The following AGTPBP1 variants were observed in gnomAD, a reference collection of about 807,000 sequenced individuals.
AGTPBP1 encodes the protein cytosolic carboxypeptidase 1.
Under a neutral mutation model 143.9 loss-of-function variants are expected in AGTPBP1, and 70 were observed. The ratio of observed to expected loss-of-function variants is 0.49; its 90% CI spans 0.40 to 0.59. The LOEUF (loss-of-function observed/expected upper bound fraction) is 0.59. Among genes scored for constraint, AGTPBP1 ranks in the 20% least tolerant of loss-of-function variants. The probability of loss-of-function intolerance (pLI) is 0.00; values close to 1 mark genes in which losing one functional copy is unlikely to be tolerated. For missense variants in AGTPBP1, 1,229 were observed against 1,464.5 expected, an observed-to-expected ratio of 0.84 and a Z score of 2.62; for synonymous variants, 463 against 500.2, an observed-to-expected ratio of 0.93 and a Z score of 0.99.
intron 5 of AGTPBP1, among the ~76,000 whole-genome samples, chr9:85,677,832 C>A (rs983634452): frequency 6.6e-6 from 1 of 151,858 alleles, no homozygotes; most frequent in African/African-American, 2.4e-5. Context: ...GGTGAAACCC[C>A]GTCTCAACTA....
the AGTPBP1 span, chr9:85,773,910 C>T: frequency 3.2e-5 from 51 of 1,607,240 alleles, no homozygotes; most frequent in East Asian, 2.0e-4. Context: ...AGTTCTGGAA[C>T]GGGATAATAT....
At chr9:85,694,175 T>C (rs1836081207) in intron 2 of AGTPBP1, among the ~76,000 whole-genome samples, 1 of 152,224 alleles carries the variant, frequency 6.6e-6, no homozygotes, top group Non-Finnish European at 1.5e-5. Context: ...ATGTTCTCAC[T>C]TTTAACGGGC....
intron 2 of AGTPBP1, among the ~76,000 whole-genome samples, chr9:85,694,690 T>G (rs947246488): frequency 1.6e-4 from 25 of 152,134 alleles, no homozygotes; most frequent in African/African-American, 6.0e-4. Context: ...CCCAGCCCAC[T>G]TCTCTTCACT....
intron 14 of AGTPBP1, among the ~76,000 whole-genome samples, chr9:85,628,743 T>C (rs1349713466): frequency 2.6e-5 from 4 of 152,200 alleles, no homozygotes; most frequent in Admixed American, 2.6e-4. Context: ...AGATGGAGTC[T>C]CACTCTGTTG....
At chr9:85,653,250 G>C (rs1445313482) in intron 11 of AGTPBP1, among the ~76,000 whole-genome samples, 1 of 151,378 alleles carries the variant, frequency 6.6e-6, no homozygotes, top group African/African-American at 2.4e-5. Flanking sequence ...GGAGGAGGAA[G>C]GAATAATGGA....
At chr9:85,658,216 G>A (rs905729408) in intron 9 of AGTPBP1, among the ~76,000 whole-genome samples, 1 of 151,738 alleles carries the variant, frequency 6.6e-6, no homozygotes, top group Non-Finnish European at 1.5e-5. Flanking sequence ...AAATACTTCC[G>A]TAACTTTTTT....
chr9:85,566,529 CAAAAAA>C (rs72129899), intron 25 of AGTPBP1, among the ~76,000 whole-genome samples: 2 of 78,548 alleles, frequency 2.5e-5, no homozygotes, highest in African/African-American at 1.2e-4. Context: ...GACCATGTCT[CAAAAAA>C]AAAAAAAAAA....
intron 8 of AGTPBP1, among the ~76,000 whole-genome samples, chr9:85,669,014 T>TACACACACACAC (rs139321417): frequency 5.8e-5 from 7 of 120,554 alleles, no homozygotes; most frequent in Admixed American, 1.7e-4. Context: ...TGTGTATACA[T>TACACACACACAC]ACACACACAC....
At chr9:85,710,463 C>T (rs1199388166) in intron 2 of AGTPBP1, among the ~76,000 whole-genome samples, 1 of 151,964 alleles carries the variant, frequency 6.6e-6, no homozygotes, top group Non-Finnish European at 1.5e-5. Flanking sequence ...TTATTTCTCC[C>T]CCCTTTTCAG....
chr9:85,732,799 C>T (rs1280356640), intron 1 of AGTPBP1, among the ~76,000 whole-genome samples: 1 of 151,808 alleles, frequency 6.6e-6, no homozygotes, highest in African/African-American at 2.4e-5. Flanking sequence ...ATATTCCATG[C>T]AAATAGTAAC....
intron 17 of AGTPBP1, among the ~76,000 whole-genome samples, chr9:85,603,118 C>T (rs1829774071): frequency 6.6e-6 from 1 of 152,142 alleles, no homozygotes; most frequent in African/African-American, 2.4e-5. Flanking sequence ...AGTCCTGGTG[C>T]TATGCTGGGC....
At chr9:85,658,905 A>G (rs565496306) in intron 9 of AGTPBP1, among the ~76,000 whole-genome samples, 1 of 152,294 alleles carries the variant, frequency 6.6e-6, no homozygotes, top group Non-Finnish European at 1.5e-5. Context: ...TGTTTTGACC[A>G]AGAAAAGCTT....
chr9:85,779,083 C>T, the AGTPBP1 span, among the ~76,000 whole-genome samples: 2 of 151,902 alleles, frequency 1.3e-5, no homozygotes, highest in Non-Finnish European at 2.9e-5. Context: ...AACAAAAGAA[C>T]TCCATCCTTA....
At chr9:85,805,297 C>A in the AGTPBP1 span, 1 of 151,998 alleles carries the variant, frequency 6.6e-6, no homozygotes, top group African/African-American at 2.4e-5. Context: ...TCTCACGCCG[C>A]CCCCTCCGCC....
chr9:85,681,942 G>T (rs534381659), intron 3 of AGTPBP1, among the ~76,000 whole-genome samples: 2 of 151,316 alleles, frequency 1.3e-5, no homozygotes, highest in South Asian at 4.2e-4. Context: ...TAGAGACGGG[G>T]TTTTACCCTG....
intron 12 of AGTPBP1, among the ~76,000 whole-genome samples, chr9:85,645,733 C>G (rs1832771755): frequency 6.6e-6 from 1 of 152,082 alleles, no homozygotes; most frequent in Non-Finnish European, 1.5e-5. Context: ...TAGAGTAGTC[C>G]TCTCTCTATA....
chr9:85,803,642 G>A, the AGTPBP1 span, among the ~76,000 whole-genome samples: 1 of 152,088 alleles, frequency 6.6e-6, no homozygotes, highest in Non-Finnish European at 1.5e-5. Context: ...TTCTGACTTT[G>A]TTTTCTTCTT....
At chr9:85,772,362 G>A in the AGTPBP1 span, among the ~76,000 whole-genome samples, 2 of 152,054 alleles carry the variant, frequency 1.3e-5, no homozygotes, top group Admixed American at 6.6e-5. Flanking sequence ...TATTTTTCTG[G>A]AGAGGTCATT....
chr9:85,706,291 C>T (rs1231940583), intron 2 of AGTPBP1, among the ~76,000 whole-genome samples: 5 of 149,544 alleles, frequency 3.3e-5, no homozygotes, highest in Non-Finnish European at 5.9e-5. Context: ...GTGGGTGGAT[C>T]ACAAGGTCAG....
Sources: gnomAD v4.1 joint callset for allele counts (sites outside exome capture counted in the v4.1 genomes callset) on GRCh38, gnomAD v4.1.1 for gene constraint, MANE v1.5 for transcripts, NCBI Gene and HGNC (gene_info 2026-07-23, HGNC 2026-07-21) for gene names.